Variants in KIAA1328 observed in about 807,000 individuals in gnomAD.
KIAA1328 encodes the protein KIAA1328.
A neutral mutation model predicts 68.1 loss-of-function variants in KIAA1328; 52 were observed. That is an observed-to-expected ratio of 0.76 (90% CI 0.61 to 0.96). The LOEUF (loss-of-function observed/expected upper bound fraction) is 0.96. Ranked by LOEUF, KIAA1328 falls within the 40% of genes least tolerant of loss-of-function variation. KIAA1328 has a pLI of 0.00. For missense variants in KIAA1328, 641 were observed against 677.6 expected, an observed-to-expected ratio of 0.95 and a Z score of 0.60; for synonymous variants, 232 against 239.4, an observed-to-expected ratio of 0.97 and a Z score of 0.28.
chr18:36,939,892 A>C (rs1047058677), intron 5 of KIAA1328, among the ~76,000 whole-genome samples: 4 of 152,114 alleles, frequency 2.6e-5, no homozygotes, highest in Non-Finnish European at 4.4e-5. Context: ...TTACATGTAT[A>C]TATGAAAAAA....
chr18:37,151,577 C>A (rs879331683), intron 7 of KIAA1328, among the ~76,000 whole-genome samples: 6 of 152,150 alleles, frequency 3.9e-5, no homozygotes, highest in Admixed American at 3.9e-4. Context: ...CCTTAAGATG[C>A]ATAAATAGAT....
At chr18:36,979,226 A>G (rs1242059980) in intron 6 of KIAA1328, among the ~76,000 whole-genome samples, 2 of 151,978 alleles carry the variant, frequency 1.3e-5, no homozygotes, top group African/African-American at 4.8e-5. Context: ...GGTTATATGA[A>G]TACCTATTGG....
chr18:37,063,003 A>G (rs2056212133), intron 6 of KIAA1328, among the ~76,000 whole-genome samples: 1 of 150,852 alleles, frequency 6.6e-6, no homozygotes, highest in Admixed American at 6.6e-5. Context: ...GTTCTTAACA[A>G]TGCTGCAATT....
At chr18:37,063,679 C>A (rs944918243) in intron 6 of KIAA1328, 2 of 985,246 alleles carry the variant, frequency 2.0e-6, no homozygotes, top group African/African-American at 1.7e-5. Flanking sequence ...TCGTTAAAAT[C>A]ATTAAGCTGT....
intron 1 of KIAA1328, among the ~76,000 whole-genome samples, chr18:36,831,800 T>TA (rs995608974): frequency 6.6e-6 from 1 of 152,194 alleles, no homozygotes; most frequent in Non-Finnish European, 1.5e-5. Flanking sequence ...GTACTGAACT[T>TA]ATTTCCTTCA....
At chr18:37,068,815 G>A (rs1212478017) in intron 7 of KIAA1328, among the ~76,000 whole-genome samples, 1 of 151,696 alleles carries the variant, frequency 6.6e-6, no homozygotes, top group Non-Finnish European at 1.5e-5. Context: ...GGTAGAGACA[G>A]GCTCTCACTC....
chr18:36,998,857 C>T (rs1490652471), intron 6 of KIAA1328, among the ~76,000 whole-genome samples: 2 of 152,092 alleles, frequency 1.3e-5, no homozygotes, highest in East Asian at 1.9e-4. Flanking sequence ...AAGGTAAGGA[C>T]AGGAAACATG....
intron 7 of KIAA1328, among the ~76,000 whole-genome samples, chr18:37,075,839 C>G (rs2056710713): frequency 6.6e-6 from 1 of 152,186 alleles, no homozygotes; most frequent in African/African-American, 2.4e-5. Flanking sequence ...AAAGCAAGTC[C>G]TGAGTGACCT....
At chr18:37,097,704 G>A (rs925759321) in intron 7 of KIAA1328, among the ~76,000 whole-genome samples, 5 of 152,190 alleles carry the variant, frequency 3.3e-5, no homozygotes, top group African/African-American at 1.2e-4. Flanking sequence ...TCCTACCCAT[G>A]AGCATGGAAT....
rs538922558 is a variant in KIAA1328 at position 37,112,590 on chromosome 18, C to A, written c.1232+45045C>A. On this transcript the variant is annotated intron_variant, in intron 7 of 9. Transcript: ENST00000280020. ...AAGCTGAAAATTCTAAAAATCAGAG[C>A]GCCTCTTCTCCTCCAAAGGAACGCA... is the stretch of plus-strand genomic sequence containing the variant. Among the ~76,000 whole-genome samples the A allele has an allele frequency of 2.0e-5, 3 of 152,264 alleles. No individual in the cohort carries two copies. The South Asian group carries it at 6.2e-4, about 32-fold the overall frequency.
At chr18:36,922,059 AC>A (rs993192032) in intron 5 of KIAA1328, among the ~76,000 whole-genome samples, 10 of 151,306 alleles carry the variant, frequency 6.6e-5, no homozygotes, top group African/African-American at 2.4e-4. Context: ...TCCAGAGAAT[AC>A]TTTTTTTTTT....
intron 9 of KIAA1328, among the ~76,000 whole-genome samples, chr18:37,176,442 T>A (rs2059599021): frequency 6.6e-6 from 1 of 152,232 alleles, no homozygotes; most frequent in Admixed American, 6.5e-5. Context: ...GGGGGCATTA[T>A]AGTTTTCTGT....
At position 37,224,046 on chromosome 18, in the gene KIAA1328, A is replaced by T; in HGVS notation, c.*1819A>T. On this transcript the variant is annotated 3_prime_UTR_variant, in exon 10 of 10. Transcript: ENST00000280020. Reference sequence around the variant, plus strand: ...TTTGGAGTGTGGAGCTTTCTGTGGTATGGCAGAAATGGGTGGATGGCAAAC... The same window carrying T: ...TTTGGAGTGTGGAGCTTTCTGTGGTTTGGCAGAAATGGGTGGATGGCAAAC... 2.0e-6 allele frequency: 2 copies of T among 985,386 alleles called. No homozygotes were observed. The highest frequency in any genetic ancestry group is 2.4e-6 in the Non-Finnish European group (2 of 829,928). 61.0% of individuals were successfully genotyped at this position (985,386 alleles called of 1,614,324 possible). A position where few individuals can be genotyped will look rare whatever the true frequency, so the allele number is the denominator to read the frequency against.
At chr18:36,932,321 C>T (rs771052654) in intron 5 of KIAA1328, among the ~76,000 whole-genome samples, 6 of 152,158 alleles carry the variant, frequency 3.9e-5, no homozygotes, top group Non-Finnish European at 7.4e-5. Flanking sequence ...CTCCCTGGCT[C>T]AAAGAATCCT....
At chr18:37,191,474 G>A (rs2059903455) in intron 9 of KIAA1328, among the ~76,000 whole-genome samples, 1 of 152,122 alleles carries the variant, frequency 6.6e-6, no homozygotes. Context: ...TCATATTTGA[G>A]TCAGAGGTAT....
At chr18:37,133,045 G>T (rs2058558234) in intron 7 of KIAA1328, among the ~76,000 whole-genome samples, 1 of 152,032 alleles carries the variant, frequency 6.6e-6, no homozygotes, top group Non-Finnish European at 1.5e-5. Context: ...GATAAAACTA[G>T]CAATGGTGGC....
chr18:37,080,386 C>T (rs2151795907), intron 7 of KIAA1328, among the ~76,000 whole-genome samples: 1 of 152,276 alleles, frequency 6.6e-6, no homozygotes, highest in South Asian at 2.1e-4. Context: ...ACTTTATTTA[C>T]TTTGGGTCAT....
At chr18:37,195,244 A>C (rs182761012) in intron 9 of KIAA1328, among the ~76,000 whole-genome samples, 9 of 152,196 alleles carry the variant, frequency 5.9e-5, no homozygotes. Context: ...ACTTCTCTTC[A>C]TCCTACTCCA....
intron 7 of KIAA1328, among the ~76,000 whole-genome samples, chr18:37,086,879 T>C (rs138265827): frequency 6.6e-6 from 1 of 152,214 alleles, no homozygotes; most frequent in Non-Finnish European, 1.5e-5. Flanking sequence ...CTGATATGCA[T>C]AAGTTACACC....
Sources: gnomAD v4.1 joint callset for allele counts (sites outside exome capture counted in the v4.1 genomes callset) on GRCh38, gnomAD v4.1.1 for gene constraint, MANE v1.5 for transcripts, NCBI Gene and HGNC (gene_info 2026-07-23, HGNC 2026-07-21) for gene names.